ZNF503: variants seen among roughly 807,000 people sequenced by gnomAD.
The protein encoded by ZNF503 is NocA-like zinc finger 2.
A neutral mutation model predicts 34.4 loss-of-function variants in ZNF503; 15 were observed. The observed-to-expected ratio is 0.44, with a 90% CI of 0.29 to 0.67. The LOEUF is 0.67. Among genes scored for constraint, ZNF503 ranks in the 30% least tolerant of loss-of-function variants. The probability of loss-of-function intolerance (pLI) is 0.13; values close to 1 mark genes in which losing one functional copy is unlikely to be tolerated. For missense variants in ZNF503, 1,007 were observed against 926.8 expected, an observed-to-expected ratio of 1.09 and a Z score of -1.12; for synonymous variants, 580 against 456.8, an observed-to-expected ratio of 1.27 and a Z score of -3.44.
the ZNF503 span, among the ~76,000 whole-genome samples, chr10:75,316,784 G>C: frequency 6.6e-6 from 1 of 152,104 alleles, no homozygotes; most frequent in African/African-American, 2.4e-5. Context: ...CAAAGATGTG[G>C]AAATTAAACA....
chr10:75,366,905 C>T, the ZNF503 span, among the ~76,000 whole-genome samples: 1 of 151,630 alleles, frequency 6.6e-6, no homozygotes, highest in South Asian at 2.1e-4. Context: ...GGTACCCGCA[C>T]TACTAGCTTG....
chr10:75,284,223 C>T, the ZNF503 span, among the ~76,000 whole-genome samples: 6 of 152,060 alleles, frequency 3.9e-5, no homozygotes, highest in Admixed American at 2.6e-4. Context: ...CCGCCCAACC[C>T]CAGCCCTAGG....
chr10:75,320,194 A>G, the ZNF503 span, among the ~76,000 whole-genome samples: 2 of 152,220 alleles, frequency 1.3e-5, no homozygotes, highest in Non-Finnish European at 2.9e-5. Flanking sequence ...AAAATTAGCA[A>G]ATAGTGGCTG....
the ZNF503 span, among the ~76,000 whole-genome samples, chr10:75,289,042 A>G: frequency 6.6e-6 from 1 of 152,168 alleles, no homozygotes; most frequent in Non-Finnish European, 1.5e-5. Flanking sequence ...AGACTGCCTC[A>G]GGGCTATGGA....
chr10:75,362,621 G>A, the ZNF503 span, among the ~76,000 whole-genome samples: 2 of 152,128 alleles, frequency 1.3e-5, no homozygotes, highest in Admixed American at 1.3e-4. Context: ...CATTACCTTG[G>A]TTTGCATGCC....
chr10:75,309,590 T>C, the ZNF503 span, among the ~76,000 whole-genome samples: 1 of 151,796 alleles, frequency 6.6e-6, no homozygotes, highest in African/African-American at 2.4e-5. Flanking sequence ...TTAAGGTATG[T>C]ACATTGTTTT....
chr10:75,329,459 C>CTTTCTTTCTTTCTTTCTTTCTTTT, the ZNF503 span, among the ~76,000 whole-genome samples: 3 of 54,770 alleles, frequency 5.5e-5, no homozygotes, highest in African/African-American at 1.3e-4. Flanking sequence ...TTCTTTCTTT[C>CTTTCTTTCTTTCTTTCTTTCTTTT]TCTTTCTTTC....
At chr10:75,374,319 C>A in the ZNF503 span, among the ~76,000 whole-genome samples, 1 of 152,024 alleles carries the variant, frequency 6.6e-6, no homozygotes, top group African/African-American at 2.4e-5. Flanking sequence ...AACAAAAAAA[C>A]AAACAAACAA....
the ZNF503 span, among the ~76,000 whole-genome samples, chr10:75,363,128 T>C: frequency 1.3e-5 from 2 of 151,960 alleles, no homozygotes; most frequent in Non-Finnish European, 2.9e-5. Flanking sequence ...TCTTAAGGAA[T>C]TGCTTTGCCA....
At chr10:75,391,257 G>C in the ZNF503 span, among the ~76,000 whole-genome samples, 1 of 152,210 alleles carries the variant, frequency 6.6e-6, no homozygotes, top group Admixed American at 6.5e-5. Flanking sequence ...ACACAATGAG[G>C]TGCAGGCTGA....
chr10:75,361,212 T>C, the ZNF503 span: 3 of 152,220 alleles, frequency 2.0e-5, no homozygotes, highest in Non-Finnish European at 4.4e-5. Flanking sequence ...CATCTCTCAA[T>C]AGAATCATAA....
At chr10:75,358,265 A>G in the ZNF503 span, 3 of 152,146 alleles carry the variant, frequency 2.0e-5, no homozygotes, top group Non-Finnish European at 4.4e-5. Context: ...CTTCTGTTTT[A>G]TTACCCTGAG....
Position 75,399,424 on chromosome 10 carries a change from C to T in ZNF503, c.1266G>A (p.Met422Ile), listed in dbSNP as rs768444408. Residue 422 changes from methionine to isoleucine, a missense_variant, in exon 2 of 2, where the codon ATG (methionine) becomes ATA (isoleucine). Coordinates refer to ENST00000372524, the MANE Select transcript of ZNF503 (RefSeq NM_032772.6). The part of the protein sequence containing the change: ...PLAGASPPSV[M>I]TASLCRDPYC... ...AAGGGTCCCGGCACAAACTGGCTGT[C>T]ATCACGGACGGCGGAGACGCTCCGG... 12 of 1,601,754 alleles carry T rather than the reference C, an allele frequency of 7.5e-6. No individual in the cohort carries two copies. The highest frequency in any genetic ancestry group is 1.3e-5 in the African/African-American group (1 of 74,904).
chr10:75,384,986 A>G, the ZNF503 span, among the ~76,000 whole-genome samples: 1 of 152,148 alleles, frequency 6.6e-6, no homozygotes, highest in African/African-American at 2.4e-5. Context: ...ACCCCATGCT[A>G]TCCTCCCAGT....
chr10:75,354,995 C>T, the ZNF503 span, among the ~76,000 whole-genome samples: 80 of 151,310 alleles, frequency 5.3e-4, no homozygotes, highest in African/African-American at 1.8e-3. Flanking sequence ...TGTGCCACCA[C>T]GCCCAGCTAA....
the ZNF503 span, among the ~76,000 whole-genome samples, chr10:75,303,953 C>A: frequency 1.3e-5 from 2 of 151,856 alleles, no homozygotes; most frequent in Admixed American, 1.3e-4. Context: ...CCTGCCTCAG[C>A]CTCCTGAGTA....
At chr10:75,362,358 T>C in the ZNF503 span, among the ~76,000 whole-genome samples, 1 of 152,130 alleles carries the variant, frequency 6.6e-6, no homozygotes, top group Non-Finnish European at 1.5e-5. Context: ...TTGGGGGACC[T>C]AGAGCAAGGG....
At chr10:75,347,562 G>A in the ZNF503 span, among the ~76,000 whole-genome samples, 1 of 152,208 alleles carries the variant, frequency 6.6e-6, no homozygotes, top group Non-Finnish European at 1.5e-5. Context: ...CCTTAACTCA[G>A]GCCTCATTGC....
chr10:75,307,102 G>T, the ZNF503 span, among the ~76,000 whole-genome samples: 4 of 152,168 alleles, frequency 2.6e-5, no homozygotes, highest in African/African-American at 9.7e-5. Context: ...TAAATCAAAA[G>T]CTAGAAATGA....
Sources: gnomAD v4.1 joint callset for allele counts (sites outside exome capture counted in the v4.1 genomes callset) on GRCh38, gnomAD v4.1.1 for gene constraint, MANE v1.5 for transcripts, NCBI Gene and HGNC (gene_info 2026-07-23, HGNC 2026-07-21) for gene names.